Variants in GAS2 observed in about 807,000 individuals in gnomAD.
GAS2 encodes growth arrest specific 2.
GAS2 carries 20 observed loss-of-function variants against 37.5 expected under a neutral mutation model. The observed-to-expected ratio is 0.53, with a 90% CI of 0.37 to 0.77. The LOEUF is 0.77. GAS2 is among the 30% of genes least tolerant of loss of function. GAS2 has a pLI of 0.00. For synonymous variants in GAS2, 144 were observed against 132.2 expected (o/e 1.09, Z -0.61); for missense variants, 336 against 373.4 (o/e 0.90, Z 0.82).
Position 22,733,388 on chromosome 11 carries a change from A to G in GAS2, c.410-4317A>G, listed in dbSNP as rs187887921. Among the ~76,000 whole-genome samples the G allele has an allele frequency of 8.1e-3, 1,236 of 151,874 alleles. 19 individuals carry two copies. The highest frequency in any genetic ancestry group is 0.028 in the African/African-American group (1,180 of 41,518). On this transcript the variant is annotated intron_variant, in intron 4 of 7. Coordinates refer to ENST00000454584, the MANE Select transcript of GAS2 (RefSeq NM_001143830.3). ...ATATTTTTTCAAGTTCCCTTACTAA[A>G]TAAAAGGCTAAAAAGCTATTTTCTT...
intron 2 of GAS2, among the ~76,000 whole-genome samples, chr11:22,684,690 G>C (rs1376090586): frequency 3.3e-5 from 5 of 152,084 alleles, no homozygotes; most frequent in Non-Finnish European, 7.4e-5. Context: ...TCAGCCTCCC[G>C]AGTAGCTGGG....
chr11:22,749,550 C>T (rs1019579450), intron 6 of GAS2, among the ~76,000 whole-genome samples: 1 of 151,962 alleles, frequency 6.6e-6, no homozygotes, highest in Non-Finnish European at 1.5e-5. Flanking sequence ...GTCTCTTTGT[C>T]ACTGGATCAC....
chr11:22,746,661 G>C (rs1853419312), intron 5 of GAS2, among the ~76,000 whole-genome samples: 1 of 152,106 alleles, frequency 6.6e-6, no homozygotes, highest in Admixed American at 6.5e-5. Flanking sequence ...GGGTACTCAT[G>C]GACATAAAGA....
intron 1 of GAS2, among the ~76,000 whole-genome samples, chr11:22,631,114 G>C (rs1858739613): frequency 1.3e-5 from 2 of 152,040 alleles, no homozygotes; most frequent in Non-Finnish European, 2.9e-5. Flanking sequence ...ACTGTAAAAG[G>C]GATTGAGTTC....
chr11:22,727,686 G>T (rs1379761071), intron 4 of GAS2, among the ~76,000 whole-genome samples: 1 of 151,956 alleles, frequency 6.6e-6, no homozygotes, highest in Non-Finnish European at 1.5e-5. Flanking sequence ...CTCATGAAAT[G>T]CTCAGTAAAT....
chr11:22,651,934 C>G (rs991856880), intron 1 of GAS2, among the ~76,000 whole-genome samples: 1 of 152,214 alleles, frequency 6.6e-6, no homozygotes, highest in African/African-American at 2.4e-5. Context: ...AAGTCATTCT[C>G]CATCCAGCTT....
At chr11:22,717,036 T>A (rs2134115602) in intron 3 of GAS2, among the ~76,000 whole-genome samples, 1 of 152,282 alleles carries the variant, frequency 6.6e-6, no homozygotes, top group Non-Finnish European at 1.5e-5. Flanking sequence ...TGCTCATGGA[T>A]GGGTAGAATT....
chr11:22,647,545 T>G (rs1168153403), intron 1 of GAS2, among the ~76,000 whole-genome samples: 1 of 152,176 alleles, frequency 6.6e-6, no homozygotes, highest in Non-Finnish European at 1.5e-5. Context: ...ACCAACAGTG[T>G]AAAAGTGTTC....
chr11:22,754,712 A>G (rs1486359227), intron 6 of GAS2, among the ~76,000 whole-genome samples: 1 of 152,040 alleles, frequency 6.6e-6, no homozygotes, highest in Non-Finnish European at 1.5e-5. Context: ...TTAACATTCA[A>G]TTGAGTTCAT....
At chr11:22,728,469 G>A (rs770386759) in intron 4 of GAS2, among the ~76,000 whole-genome samples, 3 of 151,416 alleles carry the variant, frequency 2.0e-5, no homozygotes, top group Non-Finnish European at 4.4e-5. Context: ...ACTTTTAGAT[G>A]GCCTACTTCT....
At chr11:22,648,095 T>G (rs1224501588) in intron 1 of GAS2, among the ~76,000 whole-genome samples, 1 of 152,220 alleles carries the variant, frequency 6.6e-6, no homozygotes, top group Non-Finnish European at 1.5e-5. Flanking sequence ...TGAATTGATT[T>G]TTGTATAAGG....
chr11:22,695,367 A>C (rs1590652480), intron 3 of GAS2, among the ~76,000 whole-genome samples: 1 of 152,152 alleles, frequency 6.6e-6, no homozygotes, highest in Non-Finnish European at 1.5e-5. Context: ...CTGAGATTTA[A>C]GGACAGAGCC....
chr11:22,650,489 CGTT>C (rs1172990780), intron 1 of GAS2, among the ~76,000 whole-genome samples: 2 of 151,518 alleles, frequency 1.3e-5, no homozygotes, highest in African/African-American at 4.9e-5. Context: ...CTTTCTGTCT[CGTT>C]GATCTGTCTA....
intron 6 of GAS2, among the ~76,000 whole-genome samples, chr11:22,750,165 G>A (rs139102385): frequency 6.6e-6 from 1 of 151,992 alleles, no homozygotes; most frequent in Non-Finnish European, 1.5e-5. Flanking sequence ...CACATACATG[G>A]GGAGAGTCCT....
chr11:22,652,460 T>C (rs1009511780), intron 1 of GAS2, among the ~76,000 whole-genome samples: 7 of 152,242 alleles, frequency 4.6e-5, no homozygotes, highest in Non-Finnish European at 8.8e-5. Flanking sequence ...CAGTTAGAGC[T>C]TCCCGGCTGC....
chr11:22,807,044 C>T (rs1055847213), intron 7 of GAS2, among the ~76,000 whole-genome samples: 1 of 151,942 alleles, frequency 6.6e-6, no homozygotes, highest in African/African-American at 2.4e-5. Flanking sequence ...AGGAAGCATT[C>T]AGTGAAAGGC....
chr11:22,679,354 C>T (rs538677892), intron 2 of GAS2, among the ~76,000 whole-genome samples: 1 of 152,060 alleles, frequency 6.6e-6, no homozygotes, highest in African/African-American at 2.4e-5. Flanking sequence ...TATTTTTGCT[C>T]ATGAACCAAA....
intron 1 of GAS2, among the ~76,000 whole-genome samples, chr11:22,641,242 G>A (rs1382770255): frequency 1.4e-5 from 2 of 138,944 alleles, no homozygotes; most frequent in African/African-American, 2.6e-5. Context: ...ATATATATGT[G>A]TATATATATA....
chr11:22,755,313 G>A (rs1285887623), intron 6 of GAS2, among the ~76,000 whole-genome samples: 2 of 151,922 alleles, frequency 1.3e-5, no homozygotes, highest in South Asian at 2.1e-4. Context: ...GTATATGAGA[G>A]ATTAATTCTT....
Sources: gnomAD v4.1 joint callset for allele counts (sites outside exome capture counted in the v4.1 genomes callset) on GRCh38, gnomAD v4.1.1 for gene constraint, MANE v1.5 for transcripts, NCBI Gene and HGNC (gene_info 2026-07-23, HGNC 2026-07-21) for gene names.